The following AHI1 variants were observed in gnomAD, a reference collection of about 807,000 sequenced individuals.
AHI1 encodes jouberin.
In AHI1, 123 loss-of-function variants were observed where a neutral mutation model predicts 149.3. That is an observed-to-expected ratio of 0.82 (90% confidence interval 0.71 to 0.96). The LOEUF (loss-of-function observed/expected upper bound fraction) is 0.96. AHI1 is among the 40% of genes least tolerant of loss of function. The probability of loss-of-function intolerance (pLI) is 0.00; values close to 1 mark genes in which losing one functional copy is unlikely to be tolerated. For synonymous variants in AHI1, 475 were observed against 459.8 expected (o/e 1.03, Z -0.42); for missense variants, 1,439 against 1,422.7 (o/e 1.01, Z -0.18).
chr6:135,317,525 AT>A (rs1227903961), intron 26 of AHI1, among the ~76,000 whole-genome samples: 2 of 150,238 alleles, frequency 1.3e-5, no homozygotes, highest in East Asian at 3.9e-4. Flanking sequence ...CCCAGGGTAT[AT>A]TTAAGAGGCT....
chr6:135,495,994 A>G (rs1379767976), intron 2 of AHI1, 96 bp from the exon 3 acceptor site: 1 of 152,232 alleles, frequency 6.6e-6, no homozygotes, highest in Non-Finnish European at 1.5e-5. Flanking sequence ...AAATAAGTAA[A>G]TAATTACAAA....
At chr6:135,402,171 T>C (rs1272280433) in intron 22 of AHI1, among the ~76,000 whole-genome samples, 2 of 152,114 alleles carry the variant, frequency 1.3e-5, no homozygotes, top group East Asian at 1.9e-4. Context: ...AGAATACAAG[T>C]GTTGGTGAGG....
chr6:135,494,681 C>A (rs1178065187), intron 3 of AHI1, among the ~76,000 whole-genome samples: 1 of 152,126 alleles, frequency 6.6e-6, no homozygotes, highest in Non-Finnish European at 1.5e-5. Flanking sequence ...GTTAGGCAAT[C>A]TACTAATCCA....
chr6:135,321,281 G>GA (rs767967288), intron 25 of AHI1, among the ~76,000 whole-genome samples: 1 of 150,600 alleles, frequency 6.6e-6, no homozygotes, highest in East Asian at 1.9e-4. Flanking sequence ...AAGAAAGAAA[G>GA]AAAAAAAAAG....
chr6:135,290,400 CT>C (rs751666578), intron 28 of AHI1, 22 bp downstream of exon 28: 8 of 1,371,266 alleles, frequency 5.8e-6, no homozygotes, highest in Non-Finnish European at 8.3e-6. Flanking sequence ...CATAGCGCAA[CT>C]TTCTATTGGT....
At chr6:135,446,004 C>T (rs990479141) in intron 13 of AHI1, among the ~76,000 whole-genome samples, 10 of 151,502 alleles carry the variant, frequency 6.6e-5, no homozygotes, top group South Asian at 2.1e-4. Context: ...TGCAGTGAGC[C>T]GAGATTGCAC....
At chr6:135,462,061 T>TTA (rs886332408) in intron 8 of AHI1, among the ~76,000 whole-genome samples, 8 of 152,074 alleles carry the variant, frequency 5.3e-5, no homozygotes, top group African/African-American at 1.9e-4. Flanking sequence ...GCTTAGTGCT[T>TTA]TATATATATA....
intron 10 of AHI1, among the ~76,000 whole-genome samples, chr6:135,454,607 G>A (rs1307702453): frequency 6.6e-6 from 1 of 152,060 alleles, no homozygotes; most frequent in Non-Finnish European, 1.5e-5. Context: ...TTATCAAGTT[G>A]TCCTCAACAC....
intron 26 of AHI1, among the ~76,000 whole-genome samples, chr6:135,316,169 G>A (rs1030498758): frequency 6.6e-6 from 1 of 152,072 alleles, no homozygotes; most frequent in African/African-American, 2.4e-5. Context: ...TTCCAATAAA[G>A]TACTTCCTGC....
chr6:135,315,172 G>A (rs1785756272), intron 26 of AHI1, among the ~76,000 whole-genome samples: 1 of 152,074 alleles, frequency 6.6e-6, no homozygotes, highest in African/African-American at 2.4e-5. Context: ...AGTACAACCT[G>A]TCCAACACTC....
Position 135,284,790 on chromosome 6 carries a change from A to G in AHI1, c.*855T>C, listed in dbSNP as rs910362034. The G allele has an allele frequency of 6.6e-6, 1 of 152,200 alleles. No homozygotes were observed. Among genetic ancestry groups the G allele is most frequent in the Non-Finnish European group, 1.5e-5 (1 of 68,030 alleles). 9.4% of individuals were successfully genotyped at this position (152,200 alleles called of 1,614,324 possible). Reference sequence around the variant, plus strand: ...TACCTATATGATTTGATCTTAAGAAACACAAAATTTTAATTAGAAAGTAAA... The same window carrying G: ...TACCTATATGATTTGATCTTAAGAAGCACAAAATTTTAATTAGAAAGTAAA... On this transcript the variant is annotated 3_prime_UTR_variant, in exon 29 of 29. Transcript: ENST00000265602.
At chr6:135,454,985 C>G (rs1039947359) in intron 10 of AHI1, among the ~76,000 whole-genome samples, 9 of 152,172 alleles carry the variant, frequency 5.9e-5, no homozygotes, top group Non-Finnish European at 1.2e-4. Flanking sequence ...CCCTGCTGTT[C>G]CCATGCTAAA....
intron 23 of AHI1, among the ~76,000 whole-genome samples, chr6:135,384,748 A>G (rs1777327439): frequency 6.6e-6 from 1 of 152,184 alleles, no homozygotes; most frequent in Non-Finnish European, 1.5e-5. Flanking sequence ...TGGATTTTAT[A>G]AACTTGCACT....
chr6:135,302,680 C>G (rs1784026989), intron 26 of AHI1: 1 of 1,197,900 alleles, frequency 8.3e-7, no homozygotes, highest in Non-Finnish European at 1.1e-6. Flanking sequence ...TTAACTAGGA[C>G]CAATATTTGA....
At chr6:135,471,367 T>G (rs1791663454) in intron 5 of AHI1, among the ~76,000 whole-genome samples, 1 of 152,192 alleles carries the variant, frequency 6.6e-6, no homozygotes, top group African/African-American at 2.4e-5. Context: ...CAGTAGCATC[T>G]CTACCTTTCA....
chr6:135,293,717 A>G (rs1463874883), intron 27 of AHI1, among the ~76,000 whole-genome samples: 1 of 152,252 alleles, frequency 6.6e-6, no homozygotes, highest in East Asian at 1.9e-4. Context: ...AATGTTACCA[A>G]GAGAAATTAA....
chr6:135,376,299 T>C (rs916246776), intron 23 of AHI1, among the ~76,000 whole-genome samples: 21 of 152,124 alleles, frequency 1.4e-4, no homozygotes, highest in Admixed American at 8.5e-4. Flanking sequence ...CAAAGGAAGG[T>C]TGGGAACAAG....
intron 24 of AHI1, among the ~76,000 whole-genome samples, chr6:135,344,680 C>T (rs1453337433): frequency 1.3e-5 from 2 of 149,978 alleles, no homozygotes; most frequent in Non-Finnish European, 3.0e-5. Flanking sequence ...CTCTTCCTTC[C>T]TTTCCTTTTC....
At chr6:135,395,056 A>G (rs940223183) in intron 22 of AHI1, among the ~76,000 whole-genome samples, 160 bp from the exon 23 acceptor site, 1 of 152,026 alleles carries the variant, frequency 6.6e-6, no homozygotes, top group Admixed American at 6.6e-5. Context: ...TTTACAAAAG[A>G]GAATCATTTT....
Sources: gnomAD v4.1 joint callset for allele counts (sites outside exome capture counted in the v4.1 genomes callset) on GRCh38, gnomAD v4.1.1 for gene constraint, MANE v1.5 for transcripts, NCBI Gene and HGNC (gene_info 2026-07-23, HGNC 2026-07-21) for gene names.